NAPB: variants seen among roughly 807,000 people sequenced by gnomAD.
The protein encoded by NAPB is beta-soluble NSF attachment protein.
NAPB carries 26 observed loss-of-function variants against 44.7 expected under a neutral mutation model. That is an observed-to-expected ratio of 0.58 (90% CI 0.43 to 0.81). The LOEUF (loss-of-function observed/expected upper bound fraction) is 0.81, where lower values mean the gene tolerates loss of function less well. Among genes scored for constraint, NAPB ranks in the 30% least tolerant of loss-of-function variants. The pLI, the probability that NAPB is intolerant of heterozygous loss-of-function variation, is 0.00. For missense variants in NAPB, 315 were observed against 356.4 expected (o/e 0.88, Z 0.94); for synonymous variants, 120 against 116.8 (o/e 1.03, Z -0.18).
At position 23,375,549 on chromosome 20, in the gene NAPB, T is replaced by A. The variant is rs553486740; in HGVS notation, c.*1827A>T. The stretch of plus-strand genomic sequence containing the variant: ...AAAACCCCACTTTTCTCTCTGATCA[T>A]TTTTTCATAAGAGATTCTAAGAGGG... On this transcript the variant is annotated 3_prime_UTR_variant, in exon 11 of 11. Transcript: ENST00000377026. 6 of 152,308 alleles carry A rather than the reference T, an allele frequency of 3.9e-5. No homozygotes were observed. The East Asian group carries it at 9.6e-4, about 24-fold the overall frequency. The allele number at this position is 152,308 out of a possible 1,614,324, so 9.4% of individuals were successfully genotyped here.
intron 2 of NAPB, among the ~76,000 whole-genome samples, chr20:23,400,059 C>T (rs990346610): frequency 3.9e-5 from 6 of 152,154 alleles, no homozygotes; most frequent in Admixed American, 2.6e-4. Context: ...CTCAGTAATA[C>T]CACAACACCC....
In NAPB at chr20:23,394,921, C is replaced by G; in HGVS notation, c.420+1G>C. ...TCTGAGGAAGTGTGCCCACTGCTTA[C>G]CTTCTCAATGTCTACAAGTTCAGTC... On this transcript the variant is annotated splice_donor_variant, in intron 5 of 10. Transcript: ENST00000377026. LOFTEE classifies it high-confidence loss of function. 1 of 1,613,872 alleles carries G rather than the reference C, an allele frequency of 6.2e-7. No homozygotes were observed. Among genetic ancestry groups the G allele is most frequent in the Non-Finnish European group, 8.5e-7 (1 of 1,179,760 alleles).
At chr20:23,394,826 C>T in intron 5 of NAPB, 96 bp downstream of exon 5, 2 of 1,287,958 alleles carry the variant, frequency 1.6e-6, no homozygotes, top group Non-Finnish European at 2.2e-6. Context: ...TATGACCACT[C>T]TACACCTACG....
intron 1 of NAPB, among the ~76,000 whole-genome samples, chr20:23,420,942 G>A (rs1986371551): frequency 6.6e-6 from 1 of 151,128 alleles, no homozygotes. Flanking sequence ...GGCGTGTTAG[G>A]GGATCCGGAG....
At chr20:23,379,187 A>G in intron 10 of NAPB, 1 of 357,480 alleles carries the variant, frequency 2.8e-6, no homozygotes, top group Non-Finnish European at 5.0e-6. Flanking sequence ...ACAGCAAATT[A>G]TAAGAATATA....
At chr20:23,382,893 G>A (rs6137921) in intron 7 of NAPB, among the ~76,000 whole-genome samples, 6 of 152,232 alleles carry the variant, frequency 3.9e-5, no homozygotes, top group South Asian at 4.1e-4. Context: ...GGTGGCTCAC[G>A]CCTGTAATCC....
intron 1 of NAPB, among the ~76,000 whole-genome samples, chr20:23,410,006 G>A (rs918994099): frequency 3.9e-5 from 6 of 152,174 alleles, no homozygotes; most frequent in African/African-American, 1.4e-4. Context: ...GACCTGGCAG[G>A]TTAGAGCACT....
intron 7 of NAPB, among the ~76,000 whole-genome samples, chr20:23,388,334 C>T (rs987763387): frequency 2.6e-5 from 4 of 152,140 alleles, no homozygotes; most frequent in African/African-American, 9.7e-5. Context: ...CCTAAAACCA[C>T]TCCAAATTGG....
At chr20:23,411,005 C>A (rs1176318481) in intron 1 of NAPB, among the ~76,000 whole-genome samples, 1 of 152,012 alleles carries the variant, frequency 6.6e-6, no homozygotes, top group African/African-American at 2.4e-5. Context: ...AAAGCAGATT[C>A]TACTGACAAT....
In NAPB at chr20:23,394,900, A is replaced by T. The variant is rs1180387751; in HGVS notation, c.420+22T>A. 9 of 1,607,502 alleles carry T rather than the reference A, an allele frequency of 5.6e-6. 1 individual carries two copies. In the Admixed American group the frequency reaches 6.7e-5, roughly 12 times the overall value. On this transcript the variant is annotated intron_variant, in intron 5 of 10. Transcript: ENST00000377026. ...AGCTTATCTGCCTGCTTCACATCTGAGGAAGTGTGCCCACTGCTTACCTTC... is the reference window on the plus strand; with the variant it reads ...AGCTTATCTGCCTGCTTCACATCTGTGGAAGTGTGCCCACTGCTTACCTTC...
At chr20:23,396,239 C>T (rs1302080585) in intron 3 of NAPB, among the ~76,000 whole-genome samples, 4 of 152,182 alleles carry the variant, frequency 2.6e-5, no homozygotes, top group Admixed American at 6.5e-5. Context: ...TTAATGCCTG[C>T]ACCATATTCT....
chr20:23,396,291 T>A (rs953158837), intron 3 of NAPB, among the ~76,000 whole-genome samples: 5 of 152,226 alleles, frequency 3.3e-5, no homozygotes, highest in African/African-American at 1.2e-4. Flanking sequence ...TAACAGCTTA[T>A]TTAACCTGTG....
intron 7 of NAPB, among the ~76,000 whole-genome samples, chr20:23,385,254 A>G (rs1316476957): frequency 2.0e-5 from 3 of 152,218 alleles, no homozygotes; most frequent in Admixed American, 6.5e-5. Context: ...AGGCAGGGCT[A>G]TAAAGTGGAT....
In NAPB at chr20:23,379,901, G is replaced by C; in HGVS notation, c.701C>G (p.Ala234Gly). 1 of 1,613,060 alleles carries C rather than the reference G, an allele frequency of 6.2e-7. No homozygotes were observed. Among genetic ancestry groups the C allele is most frequent in the Non-Finnish European group, 8.5e-7 (1 of 1,179,336 alleles). Reference sequence around the variant, plus strand: ...TTTACATTCTCTTGAATCAGTAAATGCTGGAAACATTTCCTCATATTTCTC... The same window carrying C: ...TTTACATTCTCTTGAATCAGTAAATCCTGGAAACATTTCCTCATATTTCTC... The part of the protein sequence containing the change: ...ALEKYEEMFP[A>G]FTDSRECKLL... Residue 234 changes from alanine to glycine, a missense_variant, in exon 9 of 11, where the codon GCA (alanine) becomes GGA (glycine). Ala to Gly is a moderately conservative substitution (Grantham distance 60). This residue lies in a region of NAPB where 120 missense variants were observed against 130.5 expected (regional missense o/e 0.92). Transcript: ENST00000377026.
At chr20:23,389,303 C>T (rs2144381) in intron 7 of NAPB, among the ~76,000 whole-genome samples, 44,585 of 149,600 alleles carry the variant, frequency 0.3, 6,633 homozygotes, top group Middle Eastern at 0.39. Flanking sequence ...CTGTGCATTG[C>T]TAGTGGGAAG....
At position 23,419,668 on chromosome 20, in the gene NAPB, T is replaced by G. The variant is rs537264629; in HGVS notation, c.98+1637A>C. On this transcript the variant is annotated intron_variant, in intron 1 of 10. Transcript: ENST00000377026. ...TCAAAACATTTAAAAGGAGTTAGTGTGGCGCTAGCACTTGATGGTACTGTC... is the reference window on the plus strand; with the variant it reads ...TCAAAACATTTAAAAGGAGTTAGTGGGGCGCTAGCACTTGATGGTACTGTC... Among the ~76,000 whole-genome samples the G allele has an allele frequency of 2.0e-5, 3 of 152,376 alleles. No individual in the cohort carries two copies. The East Asian group carries it at 5.8e-4, about 29-fold the overall frequency.
chr20:23,403,603 C>CAACAAAAAAAAAAA (rs1985017073), intron 1 of NAPB, among the ~76,000 whole-genome samples: 1 of 121,142 alleles, frequency 8.3e-6, no homozygotes, highest in Admixed American at 8.8e-5. Context: ...AACTATGTCT[C>CAACAAAAAAAAAAA]AAAAAAAAAA....
At chr20:23,385,747 G>GAGAGAGAA (rs1171322210) in intron 7 of NAPB, among the ~76,000 whole-genome samples, 1 of 149,810 alleles carries the variant, frequency 6.7e-6, no homozygotes, top group African/African-American at 2.5e-5. Flanking sequence ...GAGAAAGAGA[G>GAGAGAGAA]AGAGAGAAAG....
Position 23,404,581 on chromosome 20 carries a change from A to G in NAPB, c.99-1509T>C, listed in dbSNP as rs1021579115. ...CCTCAGTTTTGGCATGCGTAAACTG[A>G]AGATAATGTATACCTAGGAGTTATT... On this transcript the variant is annotated intron_variant, in intron 1 of 10. Coordinates refer to ENST00000377026, the MANE Select transcript of NAPB (RefSeq NM_022080.3). Among the ~76,000 whole-genome samples the G allele has an allele frequency of 9.2e-5, 14 of 152,342 alleles. No homozygotes were observed. In the East Asian group the frequency reaches 2.5e-3, roughly 27 times the overall value.
Sources: allele counts gnomAD v4.1 joint callset (sites outside exome capture counted in the v4.1 genomes callset), GRCh38; gene constraint gnomAD v4.1.1; regional missense constraint gnomAD v4.1.1; transcripts MANE v1.5; gene names NCBI Gene and HGNC (gene_info 2026-07-23, HGNC 2026-07-21).